Variants in ANGPT4 observed in about 807,000 individuals in gnomAD.
The protein encoded by ANGPT4 is angiopoietin-4.
ANGPT4 carries 50 observed loss-of-function variants against 53.0 expected under a neutral mutation model. The ratio of observed to expected loss-of-function variants is 0.94; its 90% CI spans 0.75 to 1.20. The LOEUF (loss-of-function observed/expected upper bound fraction) is 1.20. Among genes scored for constraint, ANGPT4 ranks in the 50% most tolerant of loss-of-function variants. The pLI, the probability that ANGPT4 is intolerant of heterozygous loss-of-function variation, is 0.00. For synonymous variants in ANGPT4, 251 were observed against 259.7 expected, an observed-to-expected ratio of 0.97 and a Z score of 0.32; for missense variants, 648 against 637.1, an observed-to-expected ratio of 1.02 and a Z score of -0.18.
intron 3 of ANGPT4, among the ~76,000 whole-genome samples, chr20:886,470 T>C (rs1034924326): frequency 1.2e-4 from 19 of 152,208 alleles, no homozygotes; most frequent in Non-Finnish European, 2.5e-4. Context: ...ACATTTGGGC[T>C]TAAAAAGGAT....
chr20:880,985 A>G (rs181825921), intron 5 of ANGPT4, among the ~76,000 whole-genome samples, 186 bp downstream of exon 5: 55 of 152,266 alleles, frequency 3.6e-4, no homozygotes, highest in Non-Finnish European at 8.8e-5. Context: ...TGCACTTCCA[A>G]CTTTGGGAAC....
chr20:889,836 A>T (rs2122804052), intron 2 of ANGPT4, among the ~76,000 whole-genome samples: 1 of 152,302 alleles, frequency 6.6e-6, no homozygotes, highest in Non-Finnish European at 1.5e-5. Flanking sequence ...TGCTGCTCAG[A>T]TACCTCTTCT....
chr20:905,901 AC>A (rs1345737837), intron 1 of ANGPT4, among the ~76,000 whole-genome samples: 1 of 152,172 alleles, frequency 6.6e-6, no homozygotes, highest in African/African-American at 2.4e-5. Flanking sequence ...TCCCATTGTC[AC>A]CATTTTACAG....
Position 899,623 on chromosome 20 carries a change from C to T in ANGPT4, c.310-9255G>A, listed in dbSNP as rs139789418. On this transcript the variant is annotated intron_variant, in intron 1 of 8. Transcript: ENST00000381922. Reference sequence around the variant, plus strand: ...GCCCAGTACCCTTATTAGGCCAAGACATTTTAACCCGGACAAGTCTTACAG... The same window carrying T: ...GCCCAGTACCCTTATTAGGCCAAGATATTTTAACCCGGACAAGTCTTACAG... Among the ~76,000 whole-genome samples the T allele has an allele frequency of 3.7e-3, 562 of 152,254 alleles. 4 individuals carry two copies. Among genetic ancestry groups the T allele is most frequent in the African/African-American group, 0.013 (537 of 41,520 alleles).
chr20:899,730 C>T (rs974626553), intron 1 of ANGPT4, among the ~76,000 whole-genome samples: 1 of 152,152 alleles, frequency 6.6e-6, no homozygotes, highest in African/African-American at 2.4e-5. Context: ...CTCTCCTATC[C>T]TCAATACGCC....
At chr20:898,027 C>A (rs2122831941) in intron 1 of ANGPT4, among the ~76,000 whole-genome samples, 1 of 152,314 alleles carries the variant, frequency 6.6e-6, no homozygotes, top group Non-Finnish European at 1.5e-5. Flanking sequence ...TCCAGGCATT[C>A]TTTCACACAT....
At chr20:882,196 C>T (rs1173162258) in intron 4 of ANGPT4, among the ~76,000 whole-genome samples, 2 of 152,176 alleles carry the variant, frequency 1.3e-5, no homozygotes, top group South Asian at 2.1e-4. Context: ...GTATTAATGA[C>T]TAAAACCTAC....
rs529906761 is a variant in ANGPT4 at position 890,192 on chromosome 20, C to T, written c.465+21G>A. ...TGGCCAGCCACAGGCCCTCAGTGCCCACTCAGTCACCCTCTGTTACCTGAG... is the reference window on the plus strand; with the variant it reads ...TGGCCAGCCACAGGCCCTCAGTGCCTACTCAGTCACCCTCTGTTACCTGAG... On this transcript the variant is annotated intron_variant, in intron 2 of 8. Coordinates refer to ENST00000381922, the MANE Select transcript of ANGPT4 (RefSeq NM_015985.4). 187 of 1,608,500 alleles carry T rather than the reference C, an allele frequency of 1.2e-4. 2 individuals carry two copies. In the South Asian group the frequency reaches 1.7e-3, roughly 15 times the overall value.
intron 1 of ANGPT4, among the ~76,000 whole-genome samples, chr20:899,689 C>T (rs1403099132): frequency 1.3e-5 from 2 of 152,188 alleles, no homozygotes; most frequent in Non-Finnish European, 1.5e-5. Flanking sequence ...AATTGTCTTG[C>T]CTATCCACCC....
chr20:876,765 A>C (rs1378589465), intron 7 of ANGPT4, among the ~76,000 whole-genome samples: 1 of 151,194 alleles, frequency 6.6e-6, no homozygotes, highest in East Asian at 2.0e-4. Flanking sequence ...AGGTGTGAGG[A>C]GTAGGGGGAC....
At chr20:907,884 C>T (rs1982539472) in intron 1 of ANGPT4, among the ~76,000 whole-genome samples, 1 of 152,196 alleles carries the variant, frequency 6.6e-6, no homozygotes, top group African/African-American at 2.4e-5. Flanking sequence ...CTGTACGACT[C>T]CAGTGTGTAC....
Position 916,310 on chromosome 20 carries a change from C to G in ANGPT4, c.-96G>C. The G allele has an allele frequency of 7.5e-7, 1 of 1,334,224 alleles. No individual in the cohort carries two copies. Among genetic ancestry groups the G allele is most frequent in the South Asian group, 1.4e-5 (1 of 72,574 alleles). 82.6% of individuals were successfully genotyped at this position (1,334,224 alleles called of 1,614,324 possible). ...AGCCAACAGTGGCCAGGCTTGCCTG[C>G]AGCTGCAGCTACAAACCTCTGTCTG... is the stretch of plus-strand genomic sequence containing the variant. On this transcript the variant is annotated 5_prime_UTR_variant, in exon 1 of 9. Coordinates refer to ENST00000381922, the MANE Select transcript of ANGPT4 (RefSeq NM_015985.4).
chr20:894,494 C>T (rs767035021), intron 1 of ANGPT4, among the ~76,000 whole-genome samples: 13 of 151,888 alleles, frequency 8.6e-5, no homozygotes, highest in Non-Finnish European at 1.5e-4. Context: ...TCCGGGGGTC[C>T]GTGGTAAATC....
intron 1 of ANGPT4, among the ~76,000 whole-genome samples, chr20:913,785 A>T (rs1431662059): frequency 6.6e-6 from 1 of 152,258 alleles, no homozygotes; most frequent in Non-Finnish European, 1.5e-5. Context: ...CCTAGGCCAC[A>T]GGATGGGCTG....
At chr20:904,208 C>T (rs562014817) in intron 1 of ANGPT4, among the ~76,000 whole-genome samples, 1 of 152,328 alleles carries the variant, frequency 6.6e-6, no homozygotes, top group East Asian at 1.9e-4. Flanking sequence ...AGTTCCCTCC[C>T]TACAGGCCAC....
chr20:894,873 G>T (rs1026570040), intron 1 of ANGPT4, among the ~76,000 whole-genome samples: 2 of 152,156 alleles, frequency 1.3e-5, no homozygotes, highest in African/African-American at 4.8e-5. Flanking sequence ...GGCAGCTCAG[G>T]GTCCCCTCAA....
chr20:915,849 A>G lies in ANGPT4; in HGVS notation c.309+57T>C, dbSNP rs993210415. On this transcript the variant is annotated intron_variant, in intron 1 of 8. Coordinates refer to ENST00000381922, the MANE Select transcript of ANGPT4 (RefSeq NM_015985.4). ...TCTTGGATGGACACTCCACCTGCTG[A>G]TTGTGACAGACCCCAAAGCCGCCCT... is the stretch of plus-strand genomic sequence containing the variant. 1.1e-5 allele frequency: 16 copies of G among 1,515,540 alleles called. No individual in the cohort carries two copies. The African/African-American group carries it at 1.7e-4, about 16-fold the overall frequency. The allele number at this position is 1,515,540 out of a possible 1,614,324, so 93.9% of individuals were successfully genotyped here.
At chr20:912,735 G>A (rs1050809314) in intron 1 of ANGPT4, among the ~76,000 whole-genome samples, 2 of 152,170 alleles carry the variant, frequency 1.3e-5, no homozygotes, top group Non-Finnish European at 1.5e-5. Flanking sequence ...CCCCATGCCT[G>A]ATGAGCACTG....
In ANGPT4 at chr20:908,782, G is replaced by C. The variant is rs1982583123; in HGVS notation, c.309+7124C>G. ...ATACACATTTGTGTTTGTGTGTGGT[G>C]GGGGGCAGGAGTCGGGGGTTGCACA... On this transcript the variant is annotated intron_variant, in intron 1 of 8. Transcript: ENST00000381922. The surrounding 1 kb of genome is among the most constrained non-coding windows in gnomAD (Gnocchi z 4.9). Among the ~76,000 whole-genome samples the C allele has an allele frequency of 7.1e-6, 1 of 141,538 alleles. No homozygotes were observed. Among genetic ancestry groups the C allele is most frequent in the Admixed American group, 7.1e-5 (1 of 14,122 alleles). The allele number at this position is 141,538 out of a possible 152,430, so 92.9% of individuals were successfully genotyped here.
Sources: allele counts gnomAD v4.1 joint callset (sites outside exome capture counted in the v4.1 genomes callset), GRCh38; gene constraint gnomAD v4.1.1; non-coding constraint Gnocchi (gnomAD v3.1); transcripts MANE v1.5; gene names NCBI Gene and HGNC (gene_info 2026-07-23, HGNC 2026-07-21).